Variants in BACE2 observed in about 807,000 individuals in gnomAD.
The protein encoded by BACE2 is beta-secretase 2.
A neutral mutation model predicts 46.2 loss-of-function variants in BACE2; 17 were observed. The ratio of observed to expected loss-of-function variants is 0.37; its 90% CI spans 0.25 to 0.55. BACE2 has a LOEUF of 0.55. BACE2 is among the 20% of genes least tolerant of loss of function. BACE2 has a pLI of 0.82. For missense variants in BACE2, 595 were observed against 698.1 expected (o/e 0.85, Z 1.66); for synonymous variants, 277 against 295.9 (o/e 0.94, Z 0.66).
intron 1 of BACE2, among the ~76,000 whole-genome samples, chr21:41,203,960 C>T (rs1986047149): frequency 6.6e-6 from 1 of 152,100 alleles, no homozygotes. Context: ...GAGGAGAGGA[C>T]CTGGAGCCTG....
chr21:41,237,761 A>G (rs757569967), intron 3 of BACE2, 32 bp downstream of exon 3: 1 of 1,563,556 alleles, frequency 6.4e-7, no homozygotes, highest in South Asian at 1.1e-5. Context: ...AAGGAAATCA[A>G]ATAACAGGAT....
chr21:41,202,767 G>A lies in BACE2; in HGVS notation c.313-23499G>A, dbSNP rs190522784. Among the ~76,000 whole-genome samples, 256 of 152,238 alleles carry A rather than the reference G, an allele frequency of 1.7e-3. 1 individual carries two copies. The highest frequency in any genetic ancestry group is 3.7e-3 in the South Asian group (18 of 4,824). The stretch of plus-strand genomic sequence containing the variant: ...CGGTCACTGAGAGACGGGACCAATC[G>A]GTGCTCCCCAGACCTGGCTGATCAG... On this transcript the variant is annotated intron_variant, in intron 1 of 8. Coordinates refer to ENST00000330333, the MANE Select transcript of BACE2 (RefSeq NM_012105.5).
rs531921336 is a variant in BACE2, at chr21:41,246,032, C to T, written c.953C>T (p.Ala318Val). The stretch of plus-strand genomic sequence containing the variant: ...CGCCTGCCCCAGAAGGTGTTTGATG[C>T]GGTGGTGGAAGCTGTGGCCCGCGCA... The part of the protein sequence containing the change: ...LLRLPQKVFD[A>V]VVEAVARASL... Residue 318 changes from alanine to valine, a missense_variant, in exon 6 of 9, where the codon GCG (alanine) becomes GTG (valine). Ala to Val is a moderately conservative substitution (Grantham distance 64). Transcript: ENST00000330333. The T allele has an allele frequency of 9.3e-6, 15 of 1,608,920 alleles. No individual in the cohort carries two copies. In the East Asian group the frequency reaches 1.8e-4, roughly 19 times the overall value.
intron 6 of BACE2, among the ~76,000 whole-genome samples, chr21:41,249,613 C>T (rs1223558130): frequency 2.0e-5 from 3 of 152,204 alleles, no homozygotes; most frequent in Admixed American, 6.5e-5. Context: ...GCAGCACCCC[C>T]GACCACACAC....
At position 41,189,054 on chromosome 21, in the gene BACE2, C is replaced by T. The variant is rs1022235809; in HGVS notation, c.312+20479C>T. Among the ~76,000 whole-genome samples, 15 of 152,238 alleles carry T rather than the reference C, an allele frequency of 9.9e-5. No individual in the cohort carries two copies. In the East Asian group the frequency reaches 1.2e-3, roughly 12 times the overall value. On this transcript the variant is annotated intron_variant, in intron 1 of 8. Coordinates refer to ENST00000330333, the MANE Select transcript of BACE2 (RefSeq NM_012105.5). ...TGAAGGTATTTTCACATTATCTTCC[C>T]GATGCTGTTGATAAGTCTGATGCAA...
Position 41,189,010 on chromosome 21 carries a change from T to C in BACE2, c.312+20435T>C, listed in dbSNP as rs184720552. The stretch of plus-strand genomic sequence containing the variant: ...GCTCCTGTGGCCAGGCAGCATCTTC[T>C]TGTGTCCCTCGAGAGTTTTGAAGGT... On this transcript the variant is annotated intron_variant, in intron 1 of 8. Coordinates refer to ENST00000330333, the MANE Select transcript of BACE2 (RefSeq NM_012105.5). Among the ~76,000 whole-genome samples the C allele has an allele frequency of 3.2e-4, 49 of 152,324 alleles. 1 individual carries two copies. The East Asian group carries it at 7.7e-3, about 24-fold the overall frequency.
chr21:41,170,266 G>A (rs1601233552), intron 1 of BACE2, among the ~76,000 whole-genome samples: 1 of 151,464 alleles, frequency 6.6e-6, no homozygotes, highest in Non-Finnish European at 1.5e-5. Context: ...TTAATTCAAT[G>A]ACCTTTATTT....
At chr21:41,234,582 C>T (rs1029849047) in intron 2 of BACE2, among the ~76,000 whole-genome samples, 2 of 152,186 alleles carry the variant, frequency 1.3e-5, no homozygotes, top group African/African-American at 4.8e-5. Flanking sequence ...AAATTGCCAA[C>T]CTCTGTTCTA....
chr21:41,214,029 C>T (rs756459147), intron 1 of BACE2, among the ~76,000 whole-genome samples: 3 of 152,164 alleles, frequency 2.0e-5, no homozygotes, highest in African/African-American at 7.2e-5. Context: ...GTGGAACCGG[C>T]GCTAGTGTTT....
At chr21:41,217,224 C>T (rs931796413) in intron 1 of BACE2, among the ~76,000 whole-genome samples, 1 of 152,232 alleles carries the variant, frequency 6.6e-6, no homozygotes, top group Non-Finnish European at 1.5e-5. Context: ...CCACTGCGCC[C>T]GGCCCAATCT....
At chr21:41,212,607 G>A (rs1478726188) in intron 1 of BACE2, among the ~76,000 whole-genome samples, 1 of 152,170 alleles carries the variant, frequency 6.6e-6, no homozygotes, top group Non-Finnish European at 1.5e-5. Flanking sequence ...AAGGACTTCT[G>A]GGGGATGACA....
intron 8 of BACE2, 45 bp from the exon 9 acceptor site, chr21:41,275,326 A>C (rs1256484760): frequency 6.2e-7 from 1 of 1,611,218 alleles, no homozygotes; most frequent in Non-Finnish European, 8.5e-7. Context: ...TGAGAGGTGG[A>C]CCGCTCATTT....
rs1046210 is a variant in BACE2 at position 41,250,859 on chromosome 21, C to T, written c.1092C>T (p.Asp364=). The change falls in exon 7 of 9, where the codon GAC becomes GAT. Residue 364 remains aspartate (D), a synonymous_variant. Coordinates refer to ENST00000330333, the MANE Select transcript of BACE2 (RefSeq NM_012105.5). ...YFPKISIYLR[D]ENSSRSFRIT... is the part of the protein sequence containing the mutation. Reference sequence around the variant, plus strand: ...CTAAAATCTCCATCTACCTGAGAGACGAGAACTCCAGCAGGTCATTCCGTA... The same window carrying T: ...CTAAAATCTCCATCTACCTGAGAGATGAGAACTCCAGCAGGTCATTCCGTA... 652,985 of 1,613,088 alleles carry T rather than the reference C, an allele frequency of 0.4. 140,400 individuals are homozygous for T. The highest frequency in any genetic ancestry group is 0.72 in the East Asian group (32,245 of 44,868).
chr21:41,275,466 A>G lies in BACE2; in HGVS notation c.1399A>G (p.Ile467Val). Residue 467 changes from isoleucine to valine, a missense_variant, in exon 9 of 9, where the codon ATT (isoleucine) becomes GTT (valine). Coordinates refer to ENST00000330333, the MANE Select transcript of BACE2 (RefSeq NM_012105.5). ...CVPAQSLSEP[I>V]LWIVSYALMS... ...CCCCGCTCAGTCTTTGAGCGAGCCC[A>G]TTTTGTGGATTGTGTCCTATGCGCT... 6.2e-7 allele frequency: 1 copy of G among 1,614,036 alleles called. No homozygotes were observed. Among genetic ancestry groups the G allele is most frequent in the Non-Finnish European group, 8.5e-7 (1 of 1,180,000 alleles).
chr21:41,228,862 T>C (rs989060627), intron 2 of BACE2, among the ~76,000 whole-genome samples: 4 of 152,226 alleles, frequency 2.6e-5, no homozygotes, highest in Admixed American at 1.3e-4. Flanking sequence ...TCAGCTTCCC[T>C]GGATTTCCAT....
intron 1 of BACE2, among the ~76,000 whole-genome samples, chr21:41,192,414 G>A (rs1344589560): frequency 6.6e-6 from 1 of 152,200 alleles, no homozygotes; most frequent in Non-Finnish European, 1.5e-5. Context: ...GAATGCTGCT[G>A]TGCATGACCC....
chr21:41,173,618 T>C (rs1984683133), intron 1 of BACE2, among the ~76,000 whole-genome samples: 1 of 152,100 alleles, frequency 6.6e-6, no homozygotes, highest in African/African-American at 2.4e-5. Context: ...TGGTGGCTTA[T>C]GTCTGTAGTC....
At chr21:41,250,722 T>C (rs547141595) in intron 6 of BACE2, 30 bp from the exon 7 acceptor site, 16 of 1,612,010 alleles carry the variant, frequency 9.9e-6, no homozygotes, top group South Asian at 1.1e-5. Flanking sequence ...AGACTAGTCA[T>C]GGTTTCTGAT....
intron 7 of BACE2, among the ~76,000 whole-genome samples, chr21:41,256,519 G>C (rs1987792088): frequency 6.6e-6 from 1 of 152,102 alleles, no homozygotes; most frequent in African/African-American, 2.4e-5. Flanking sequence ...TTCACAGCCT[G>C]CTAACTAAAA....
Sources: allele counts gnomAD v4.1 joint callset (sites outside exome capture counted in the v4.1 genomes callset), GRCh38; gene constraint gnomAD v4.1.1; transcripts MANE v1.5; gene names NCBI Gene and HGNC (gene_info 2026-07-23, HGNC 2026-07-21).